The following RNF112 variants were observed in gnomAD, a reference collection of about 807,000 sequenced individuals.
RNF112 encodes the protein brain finger protein.
In RNF112, 34 loss-of-function variants were observed where a neutral mutation model predicts 64.7. The ratio of observed to expected loss-of-function variants is 0.53; its 90% CI spans 0.40 to 0.70. The LOEUF (loss-of-function observed/expected upper bound fraction) is 0.70. Ranked by LOEUF, RNF112 falls within the 30% of genes least tolerant of loss-of-function variation. RNF112 has a pLI of 0.00. For synonymous variants in RNF112, 345 were observed against 344.5 expected (o/e 1.00, Z -0.02); for missense variants, 734 against 850.0 (o/e 0.86, Z 1.70).
chr17:19,411,662 C>G lies in RNF112; in HGVS notation c.87C>G (p.Gly29=). The part of the protein sequence containing the change: ...ERKQSFMGNS[G]NSWSHTPFPK... ...AACAGAGCTTCATGGGAAACAGCGGCAACAGTTGGTAAGTAGCAGGGCCTT... is the reference window on the plus strand; with the variant it reads ...AACAGAGCTTCATGGGAAACAGCGGGAACAGTTGGTAAGTAGCAGGGCCTT... Residue 29 remains glycine (G), a synonymous_variant, in exon 2 of 14, where the codon GGC becomes GGG. Transcript: ENST00000461366. 6.4e-7 allele frequency: 1 copy of G among 1,573,800 alleles called. No homozygotes were observed. Among genetic ancestry groups the G allele is most frequent in the Admixed American group, 1.9e-5 (1 of 53,806 alleles).
chr17:19,415,165 C>T lies in RNF112; in HGVS notation c.1254C>T (p.Asp418=). The T allele has an allele frequency of 6.2e-7, 1 of 1,607,948 alleles. No homozygotes were observed. The stretch of plus-strand genomic sequence containing the variant: ...AGGGGCGCGCCGTGGCCAGGGGGGA[C>T]AGACGCCTACTCACGGGGCAGCAGC... ...WNEGRAVARG[D]RRLLTGQQLA... Residue 418 remains aspartate, a synonymous_variant, in exon 11 of 14, where the codon GAC becomes GAT. Coordinates refer to ENST00000461366, the MANE Select transcript of RNF112 (RefSeq NM_007148.5). The surrounding 1 kb of genome is among the most constrained non-coding windows in gnomAD (Gnocchi z 7.8).
rs1395782963 is a variant in RNF112, at chr17:19,413,491, T to C, written c.720+80T>C. 19 of 1,499,920 alleles carry C rather than the reference T, an allele frequency of 1.3e-5. No individual in the cohort carries two copies. Among genetic ancestry groups the C allele is most frequent in the Non-Finnish European group, 1.7e-5 (18 of 1,088,778 alleles). 92.9% of individuals were successfully genotyped at this position (1,499,920 alleles called of 1,614,324 possible). A position where few individuals can be genotyped will look rare whatever the true frequency, so the allele number is the denominator to read the frequency against. On this transcript the variant is annotated intron_variant, in intron 5 of 13. Transcript: ENST00000461366. The surrounding 1 kb of genome is among the most constrained non-coding windows in gnomAD (Gnocchi z 5.9). Reference sequence around the variant, plus strand: ...GCGTCTCTGGGGTGAGGATAGAAGATGGGGATGGGACGGGGCAGGGTTGGG... The same window carrying C: ...GCGTCTCTGGGGTGAGGATAGAAGACGGGGATGGGACGGGGCAGGGTTGGG...
chr17:19,415,604 G>A lies in RNF112; in HGVS notation c.1425+12G>A. ...ATGTGAGGCAGCAGGTGAGCCCCGG[G>A]GCTGCACGGGAGGCAGGTGTGGGCC... On this transcript the variant is annotated intron_variant, in intron 13 of 13. Coordinates refer to ENST00000461366, the MANE Select transcript of RNF112 (RefSeq NM_007148.5). This position sits in a 1 kb window ranked among gnomAD's most constrained non-coding sequence, Gnocchi z 7.8. 2 of 1,611,404 alleles carry A rather than the reference G, an allele frequency of 1.2e-6. No homozygotes were observed. Among genetic ancestry groups the A allele is most frequent in the Non-Finnish European group, 1.7e-6 (2 of 1,178,798 alleles).
Position 19,415,631 on chromosome 17 carries a change from G to T in RNF112, c.1425+39G>T. On this transcript the variant is annotated intron_variant, in intron 13 of 13. Transcript: ENST00000461366. This position sits in a 1 kb window ranked among gnomAD's most constrained non-coding sequence, Gnocchi z 7.8. Reference sequence around the variant, plus strand: ...CTGCACGGGAGGCAGGTGTGGGCCGGGCAGGGTCCAGATCAGGGAGAGGAT... The same window carrying T: ...CTGCACGGGAGGCAGGTGTGGGCCGTGCAGGGTCCAGATCAGGGAGAGGAT... 6.2e-7 allele frequency: 1 copy of T among 1,607,376 alleles called. No individual in the cohort carries two copies. The highest frequency in any genetic ancestry group is 8.5e-7 in the Non-Finnish European group (1 of 1,176,706).
rs765761638 is a variant in RNF112 at position 19,415,090 on chromosome 17, G to C, written c.1179G>C (p.Leu393=). Reference sequence around the variant, plus strand: ...TGGGGGCCTACGTCTCAGATGTGCTGAGTGCGGCCCCCCAGCACGCTAAGA... The same window carrying C: ...TGGGGGCCTACGTCTCAGATGTGCTCAGTGCGGCCCCCCAGCACGCTAAGA... ...HLLGAYVSDV[L]SAAPQHAKSR... Residue 393 remains leucine, a synonymous_variant, in exon 11 of 14, where the codon CTG becomes CTC. Transcript: ENST00000461366. The surrounding 1 kb of genome is among the most constrained non-coding windows in gnomAD (Gnocchi z 7.8). 1 of 1,603,430 alleles carries C rather than the reference G, an allele frequency of 6.2e-7. No homozygotes were observed. The highest frequency in any genetic ancestry group is 2.2e-5 in the East Asian group (1 of 44,780).
In RNF112 at chr17:19,416,230, G is replaced by C. The variant is rs1913891183; in HGVS notation, c.*55G>C. 6.2e-6 allele frequency: 9 copies of C among 1,441,348 alleles called. No homozygotes were observed. The highest frequency in any genetic ancestry group is 8.4e-6 in the Non-Finnish European group (9 of 1,069,172). 89.3% of individuals were successfully genotyped at this position (1,441,348 alleles called of 1,614,324 possible). Reference sequence around the variant, plus strand: ...AGATGTCAGGTGGGGATGAAGAAGAGGGGCAGGTCGGGGGAGGGTGATGCC... The same window carrying C: ...AGATGTCAGGTGGGGATGAAGAAGACGGGCAGGTCGGGGGAGGGTGATGCC... On this transcript the variant is annotated 3_prime_UTR_variant, in exon 14 of 14. Coordinates refer to ENST00000461366, the MANE Select transcript of RNF112 (RefSeq NM_007148.5).
In RNF112 at chr17:19,413,513, T is replaced by A; in HGVS notation, c.721-64T>A. 1 of 1,577,108 alleles carries A rather than the reference T, an allele frequency of 6.3e-7. No homozygotes were observed. Among genetic ancestry groups the A allele is most frequent in the Non-Finnish European group, 8.7e-7 (1 of 1,152,296 alleles). The stretch of plus-strand genomic sequence containing the variant: ...AGATGGGGATGGGACGGGGCAGGGT[T>A]GGGAAGAATGTGGGAGAACAAGGCA... On this transcript the variant is annotated intron_variant, in intron 5 of 13. Coordinates refer to ENST00000461366, the MANE Select transcript of RNF112 (RefSeq NM_007148.5). This position sits in a 1 kb window ranked among gnomAD's most constrained non-coding sequence, Gnocchi z 5.9.
chr17:19,415,568 G>A lies in RNF112; in HGVS notation c.1401G>A (p.Glu467=). The A allele has an allele frequency of 6.2e-7, 1 of 1,612,970 alleles. No homozygotes were observed. ...GGAAGGTGGAAGCTGCCAAGAGGGAGTTCGAGGAGTATGTGAGGCAGCAGG... is the reference window on the plus strand; with the variant it reads ...GGAAGGTGGAAGCTGCCAAGAGGGAATTCGAGGAGTATGTGAGGCAGCAGG... ...DLRKVEAAKR[E]FEEYVRQQDV... The change falls in exon 13 of 14, where the codon GAG becomes GAA. Residue 467 remains glutamate, a synonymous_variant. Transcript: ENST00000461366. This position sits in a 1 kb window ranked among gnomAD's most constrained non-coding sequence, Gnocchi z 7.8.
rs1913907012 is a variant in RNF112 at position 19,416,711 on chromosome 17, G to A, written c.*536G>A. 1 of 155,196 alleles carries A rather than the reference G, an allele frequency of 6.4e-6. No individual in the cohort carries two copies. Among genetic ancestry groups the A allele is most frequent in the African/African-American group, 2.4e-5 (1 of 41,408 alleles). The allele number at this position is 155,196 out of a possible 1,614,324, so 9.6% of individuals were successfully genotyped here. On this transcript the variant is annotated 3_prime_UTR_variant, in exon 14 of 14. Transcript: ENST00000461366. The stretch of plus-strand genomic sequence containing the variant: ...AGAGAGATGGGACATGGTAGACTGT[G>A]GCCCAGACCCCAGAGCAGAGAAACT...
chr17:19,416,505 T>TTCGGC lies in RNF112; in HGVS notation c.*330_*331insTCGGC. On this transcript the variant is annotated 3_prime_UTR_variant, in exon 14 of 14. Coordinates refer to ENST00000461366, the MANE Select transcript of RNF112 (RefSeq NM_007148.5). ...CTCCCCACCTGGCTCATTTCCCCGA[T>TTCGGC]GACCCTGGATTGTAGGAAAGTTAAG... 3.8e-6 allele frequency: 1 copy of TTCGGC among 266,250 alleles called. No individual in the cohort carries two copies. The highest frequency in any genetic ancestry group is 7.2e-6 in the Non-Finnish European group (1 of 139,550). 16.5% of individuals were successfully genotyped at this position (266,250 alleles called of 1,614,324 possible).
chr17:19,416,304 C>G lies in RNF112; in HGVS notation c.*129C>G. Reference sequence around the variant, plus strand: ...TACTGCACTGCCCTGGTCGAATGCTCGGTGTCTGGGTGGCAGCTGAGCTGG... The same window carrying G: ...TACTGCACTGCCCTGGTCGAATGCTGGGTGTCTGGGTGGCAGCTGAGCTGG... On this transcript the variant is annotated 3_prime_UTR_variant, in exon 14 of 14. Transcript: ENST00000461366. 1 of 884,898 alleles carries G rather than the reference C, an allele frequency of 1.1e-6. No individual in the cohort carries two copies. Among genetic ancestry groups the G allele is most frequent in the Non-Finnish European group, 1.6e-6 (1 of 609,934 alleles). The allele number at this position is 884,898 out of a possible 1,614,324, so 54.8% of individuals were successfully genotyped here. A position where few individuals can be genotyped will look rare whatever the true frequency, so the allele number is the denominator to read the frequency against.
rs1567937386 is a variant in RNF112, at chr17:19,415,910, G to C, written c.1631G>C (p.Cys544Ser). ...AFMDSYTMRF[C>S]GHLAAVGGAV... ...ATGGACTCCTACACGATGCGCTTCT[G>C]TGGCCACCTAGCTGCTGTGGGGGGT... Residue 544 changes from cysteine (C) to serine (S), a missense_variant, in exon 14 of 14, where the codon TGT (cysteine) becomes TCT (serine). By Grantham distance (112) the Cys-to-Ser change is moderately radical. Coordinates refer to ENST00000461366, the MANE Select transcript of RNF112 (RefSeq NM_007148.5). The surrounding 1 kb of genome is among the most constrained non-coding windows in gnomAD (Gnocchi z 7.8). 1.2e-6 allele frequency: 2 copies of C among 1,612,654 alleles called. No homozygotes were observed.
chr17:19,412,855 G>A lies in RNF112; in HGVS notation c.381+72G>A. The A allele has an allele frequency of 6.3e-7, 1 of 1,584,312 alleles. No homozygotes were observed. The highest frequency in any genetic ancestry group is 1.1e-5 in the South Asian group (1 of 87,792). ...CTTTGGCCCTATTCTAGAACATCAG[G>A]ACACAGAGCTCCAGGCTGAACACAT... On this transcript the variant is annotated intron_variant, in intron 3 of 13. Transcript: ENST00000461366. The surrounding 1 kb of genome is among the most constrained non-coding windows in gnomAD (Gnocchi z 5.1).
In RNF112 at chr17:19,413,173, CGG is replaced by C. The variant is rs3214182; in HGVS notation, c.588+32_588+33del. ...AGGGCGGGGCGGGGCAGGAGGGAGG[CGG>C]GGAGCAAGGATGGGGGTTCCTGCCT... On this transcript the variant is annotated intron_variant, in intron 4 of 13. Transcript: ENST00000461366. This position sits in a 1 kb window ranked among gnomAD's most constrained non-coding sequence, Gnocchi z 5.9. The C allele has an allele frequency of 9.4e-6, 15 of 1,589,728 alleles. No individual in the cohort carries two copies. Among genetic ancestry groups the C allele is most frequent in the South Asian group, 4.5e-5 (4 of 89,472 alleles).
In RNF112 at chr17:19,415,068, G is replaced by A. The variant is rs773298179; in HGVS notation, c.1157G>A (p.Gly386Glu). Residue 386 changes from glycine (G) to glutamate (E), a missense_variant, in exon 11 of 14, where the codon GGG (glycine) becomes GAG (glutamate). Transcript: ENST00000461366. This position sits in a 1 kb window ranked among gnomAD's most constrained non-coding sequence, Gnocchi z 7.8. Reference protein sequence around the residue: ...DTDDDFRHLLGAYVSDVLSAA... With the variant: ...DTDDDFRHLLEAYVSDVLSAA... ...GATGATGACTTCCGCCACCTTCTGGGGGCCTACGTCTCAGATGTGCTGAGT... is the reference window on the plus strand; with the variant it reads ...GATGATGACTTCCGCCACCTTCTGGAGGCCTACGTCTCAGATGTGCTGAGT... The A allele has an allele frequency of 6.9e-6, 11 of 1,591,142 alleles. No homozygotes were observed. Among genetic ancestry groups the A allele is most frequent in the Admixed American group, 1.8e-5 (1 of 54,626 alleles).
rs1913881992 is a variant in RNF112 at position 19,416,031 on chromosome 17, T to A, written c.1752T>A (p.Ala584=). The A allele has an allele frequency of 1.9e-6, 3 of 1,546,264 alleles. No homozygotes were observed. Among genetic ancestry groups the A allele is most frequent in the Non-Finnish European group, 2.6e-6 (3 of 1,147,300 alleles). The change falls in exon 14 of 14, where the codon GCT becomes GCA. Residue 584 remains alanine (A), a synonymous_variant. Coordinates refer to ENST00000461366, the MANE Select transcript of RNF112 (RefSeq NM_007148.5). ...ALAAEAGMVA[A]GAAVGATGAA... Reference sequence around the variant, plus strand: ...CTGCAGAGGCTGGGATGGTGGCTGCTGGAGCTGCCGTGGGGGCCACAGGGG... The same window carrying A: ...CTGCAGAGGCTGGGATGGTGGCTGCAGGAGCTGCCGTGGGGGCCACAGGGG...
chr17:19,413,036 G>T lies in RNF112; in HGVS notation c.480G>T (p.Lys160Asn). The change falls in exon 4 of 14, where the codon AAG (lysine) becomes AAT (asparagine). Residue 160 changes from lysine to asparagine, a missense_variant. Physicochemically the swap from Lys to Asn is moderately conservative, Grantham distance 94. Transcript: ENST00000461366. The surrounding 1 kb of genome is among the most constrained non-coding windows in gnomAD (Gnocchi z 5.9). The stretch of plus-strand genomic sequence containing the variant: ...TGGGGGCCATCAACCGCTGCCTGAA[G>T]CACCCTCTGGCCAGGGACACCCCAG... ...LRMGAINRCL[K>N]HPLARDTPVC... 6.2e-7 allele frequency: 1 copy of T among 1,612,822 alleles called. No individual in the cohort carries two copies. The highest frequency in any genetic ancestry group is 8.5e-7 in the Non-Finnish European group (1 of 1,179,640).
rs573348299 is a variant in RNF112 at position 19,411,880 on chromosome 17, G to A, written c.95+210G>A. The A allele has an allele frequency of 1.3e-3, 830 of 624,762 alleles. 2 individuals carry two copies. Among genetic ancestry groups the A allele is most frequent in the Non-Finnish European group, 1.8e-3 (631 of 347,310 alleles). The allele number at this position is 624,762 out of a possible 1,614,324, so 38.7% of individuals were successfully genotyped here. A position where few individuals can be genotyped will look rare whatever the true frequency, so the allele number is the denominator to read the frequency against. ...GCCAGCTCAGAGCAGAGAGCGGAAG[G>A]AATCTTCTAAGATCCAGAGCCATCT... On this transcript the variant is annotated intron_variant, in intron 2 of 13. Transcript: ENST00000461366.
chr17:19,416,265 A>C lies in RNF112; in HGVS notation c.*90A>C. The C allele has an allele frequency of 8.3e-7, 1 of 1,206,438 alleles. No homozygotes were observed. The highest frequency in any genetic ancestry group is 1.2e-6 in the Non-Finnish European group (1 of 867,500). 74.7% of individuals were successfully genotyped at this position (1,206,438 alleles called of 1,614,324 possible). A position where few individuals can be genotyped will look rare whatever the true frequency, so the allele number is the denominator to read the frequency against. ...GGGGGAGGGTGATGCCAGGGATTCC[A>C]AGGCACCGCCATGTACTGCACTGCC... On this transcript the variant is annotated 3_prime_UTR_variant, in exon 14 of 14. Transcript: ENST00000461366.
Sources: allele counts gnomAD v4.1 joint callset, GRCh38; gene constraint gnomAD v4.1.1; non-coding constraint Gnocchi (gnomAD v3.1); transcripts MANE v1.5; gene names NCBI Gene and HGNC (gene_info 2026-07-23, HGNC 2026-07-21).